Variants in RFX2 observed in about 807,000 individuals in gnomAD.
RFX2 encodes regulatory factor X2.
A neutral mutation model predicts 87.8 loss-of-function variants in RFX2; 20 were observed. The observed-to-expected ratio is 0.23, with a 90% confidence interval of 0.16 to 0.33. The LOEUF (loss-of-function observed/expected upper bound fraction) is 0.33. Among genes scored for constraint, RFX2 ranks in the 10% least tolerant of loss-of-function variants. The pLI, the probability that RFX2 is intolerant of heterozygous loss-of-function variation, is 1.00. For synonymous variants in RFX2, 397 were observed against 431.3 expected, an observed-to-expected ratio of 0.92 and a Z score of 0.98; for missense variants, 767 against 1,012.3, an observed-to-expected ratio of 0.76 and a Z score of 3.29.
intron 5 of RFX2, among the ~76,000 whole-genome samples, chr19:6,036,348 A>G (rs2087022681): frequency 6.6e-6 from 1 of 152,086 alleles, no homozygotes; most frequent in African/African-American, 2.4e-5. Flanking sequence ...ACTCCTCCCG[A>G]GAAGAGAGGG....
intron 1 of RFX2, among the ~76,000 whole-genome samples, chr19:6,058,334 T>C (rs1252918644): frequency 6.6e-6 from 1 of 152,134 alleles, no homozygotes; most frequent in African/African-American, 2.4e-5. Context: ...AAAATGGATT[T>C]GTGATGTCTA....
chr19:6,006,758 A>T (rs1599844243), intron 12 of RFX2, among the ~76,000 whole-genome samples: 2 of 138,826 alleles, frequency 1.4e-5, no homozygotes, highest in African/African-American at 2.7e-5. Context: ...CCCCAGATAA[A>T]TTTTTTTTTT....
rs748445690 is a variant in RFX2 at position 6,074,492 on chromosome 19, C to T, written c.-8-26988G>A. On this transcript the variant is annotated intron_variant, in intron 1 of 17. Transcript: ENST00000303657. This position sits in a 1 kb window ranked among gnomAD's most constrained non-coding sequence, Gnocchi z 5.2. Reference sequence around the variant, plus strand: ...CCTCAGAGCCTGGACACTCAGCCATCGTTCATTCATTCAACAAACACAGTC... The same window carrying T: ...CCTCAGAGCCTGGACACTCAGCCATTGTTCATTCATTCAACAAACACAGTC... Among the ~76,000 whole-genome samples the T allele has an allele frequency of 2.0e-5, 3 of 152,174 alleles. No homozygotes were observed. The highest frequency in any genetic ancestry group is 2.9e-5 in the Non-Finnish European group (2 of 68,044).
intron 6 of RFX2, among the ~76,000 whole-genome samples, chr19:6,025,152 C>G (rs570768812): frequency 6.6e-6 from 1 of 152,268 alleles, no homozygotes; most frequent in East Asian, 1.9e-4. Flanking sequence ...AAAACCGAAT[C>G]AAGAGCGTTT....
chr19:6,006,120 G>C (rs577355853), intron 12 of RFX2, among the ~76,000 whole-genome samples: 1 of 152,186 alleles, frequency 6.6e-6, no homozygotes, highest in Non-Finnish European at 1.5e-5. Flanking sequence ...GACAAATAAC[G>C]CATGCCAGAG....
chr19:6,063,648 G>A lies in RFX2; in HGVS notation c.-8-16144C>T, dbSNP rs1280818563. On this transcript the variant is annotated intron_variant, in intron 1 of 17. Transcript: ENST00000303657. This position sits in a 1 kb window ranked among gnomAD's most constrained non-coding sequence, Gnocchi z 4.0. The stretch of plus-strand genomic sequence containing the variant: ...CAGCTCCAAAGGGGATCCCAGGCAA[G>A]TGATGAGCAGTGGGGAAACCCTCTC... Among the ~76,000 whole-genome samples the A allele has an allele frequency of 6.6e-6, 1 of 152,234 alleles. No individual in the cohort carries two copies. The highest frequency in any genetic ancestry group is 1.5e-5 in the Non-Finnish European group (1 of 68,034).
Position 6,084,896 on chromosome 19 carries a change from C to A in RFX2, c.-9+25497G>T, listed in dbSNP as rs139464791. 4.5e-3 allele frequency among the ~76,000 whole-genome samples: 689 copies of A among 152,286 alleles called. 8 individuals are homozygous for A. In the East Asian group the frequency reaches 0.07, roughly 15 times the overall value. On this transcript the variant is annotated intron_variant, in intron 1 of 17. Transcript: ENST00000303657. ...TGATCCACCACCCACCTTGGCCTCC[C>A]AGAGTGCTGGGATTAGAGGTGTGAG...
chr19:5,997,362 G>A lies in RFX2; in HGVS notation c.1860-149C>T, dbSNP rs543716844. 54 of 888,306 alleles carry A rather than the reference G, an allele frequency of 6.1e-5. No homozygotes were observed. Among genetic ancestry groups the A allele is most frequent in the South Asian group, 7.8e-5 (4 of 51,326 alleles). The allele number at this position is 888,306 out of a possible 1,614,324, so 55.0% of individuals were successfully genotyped here. A position where few individuals can be genotyped will look rare whatever the true frequency, so the allele number is the denominator to read the frequency against. On this transcript the variant is annotated intron_variant, in intron 15 of 17. Coordinates refer to ENST00000303657, the MANE Select transcript of RFX2 (RefSeq NM_000635.4). This position sits in a 1 kb window ranked among gnomAD's most constrained non-coding sequence, Gnocchi z 4.2. ...GATCCTAAGACGTGCAGGCCTACGC[G>A]GGGGCTGACGGGCTGCCGAGACCCT...
At chr19:6,075,811 T>G (rs1383674917) in intron 1 of RFX2, among the ~76,000 whole-genome samples, 1 of 152,078 alleles carries the variant, frequency 6.6e-6, no homozygotes, top group African/African-American at 2.4e-5. Context: ...CTGCAGACAC[T>G]AGGACACTGG....
intron 5 of RFX2, among the ~76,000 whole-genome samples, chr19:6,032,713 C>T (rs2086967778): frequency 6.6e-6 from 1 of 152,182 alleles, no homozygotes; most frequent in Non-Finnish European, 1.5e-5. Context: ...AATTATTTTC[C>T]CTCAGTCTCT....
rs371207775 is a variant in RFX2 at position 6,104,694 on chromosome 19, A to C, written c.-9+5699T>G. On this transcript the variant is annotated intron_variant, in intron 1 of 17. Coordinates refer to ENST00000303657, the MANE Select transcript of RFX2 (RefSeq NM_000635.4). ...GTAGCTGAGATTGCAGGTGTGAGCCACCACACCCAATGCAGCTCTCAACTC... is the reference window on the plus strand; with the variant it reads ...GTAGCTGAGATTGCAGGTGTGAGCCCCCACACCCAATGCAGCTCTCAACTC... 5.9e-5 allele frequency among the ~76,000 whole-genome samples: 9 copies of C among 152,236 alleles called. No individual in the cohort carries two copies. The East Asian group carries it at 1.3e-3, about 23-fold the overall frequency.
intron 1 of RFX2, among the ~76,000 whole-genome samples, chr19:6,089,463 C>T (rs1338049264): frequency 1.3e-5 from 2 of 152,172 alleles, no homozygotes; most frequent in African/African-American, 4.8e-5. Flanking sequence ...TGTGTCCCCC[C>T]AAAACTCACA....
At position 6,022,169 on chromosome 19, in the gene RFX2, C is replaced by T. The variant is rs185750277; in HGVS notation, c.597+3994G>A. ...CAGGGGTTGTTGAGGGTGGAGGCCA[C>T]GCACTGAGCTAAGACACTAATCCGA... On this transcript the variant is annotated intron_variant, in intron 6 of 17. Transcript: ENST00000303657. The surrounding 1 kb of genome is among the most constrained non-coding windows in gnomAD (Gnocchi z 6.2). 1.6e-4 allele frequency among the ~76,000 whole-genome samples: 25 copies of T among 152,130 alleles called. 1 individual carries two copies. In the South Asian group the frequency reaches 4.6e-3, roughly 28 times the overall value.
At chr19:6,076,979 G>T (rs904739673) in intron 1 of RFX2, 1 of 152,290 alleles carries the variant, frequency 6.6e-6, no homozygotes, top group African/African-American at 2.4e-5. Context: ...TTATAGAAAT[G>T]ATATTTTAAC....
chr19:6,072,793 G>A (rs1028842219), intron 1 of RFX2: 19 of 839,700 alleles, frequency 2.3e-5, no homozygotes, highest in African/African-American at 1.0e-4. Flanking sequence ...TGCTGCCTAC[G>A]GAGGTGGCAG....
At chr19:6,079,003 T>A (rs2087737334) in intron 1 of RFX2, among the ~76,000 whole-genome samples, 1 of 152,262 alleles carries the variant, frequency 6.6e-6, no homozygotes, top group African/African-American at 2.4e-5. Flanking sequence ...CTCGAACTCC[T>A]GACCTCAAGA....
At chr19:6,091,109 T>C (rs2087927812) in intron 1 of RFX2, among the ~76,000 whole-genome samples, 1 of 152,088 alleles carries the variant, frequency 6.6e-6, no homozygotes. Flanking sequence ...GTGATGGAAA[T>C]GTTCTGGAAT....
chr19:6,062,951 C>T (rs1234257390), intron 1 of RFX2, among the ~76,000 whole-genome samples: 3 of 152,140 alleles, frequency 2.0e-5, no homozygotes, highest in East Asian at 1.9e-4. Flanking sequence ...AATATCTGCT[C>T]GTCCTTTCCC....
intron 5 of RFX2, among the ~76,000 whole-genome samples, chr19:6,038,198 A>G (rs2087049341): frequency 6.6e-6 from 1 of 151,862 alleles, no homozygotes; most frequent in Non-Finnish European, 1.5e-5. Flanking sequence ...GTGGTGGTAC[A>G]CACCTGTAAT....
Sources: allele counts gnomAD v4.1 joint callset (sites outside exome capture counted in the v4.1 genomes callset), GRCh38; gene constraint gnomAD v4.1.1; non-coding constraint Gnocchi (gnomAD v3.1); transcripts MANE v1.5; gene names NCBI Gene and HGNC (gene_info 2026-07-23, HGNC 2026-07-21).